The following CHFR variants were observed in gnomAD, a reference collection of about 807,000 sequenced individuals.
CHFR encodes the protein checkpoint with forkhead and ring finger domains, also known as E3 ubiquitin-protein ligase CHFR.
A neutral mutation model predicts 87.6 loss-of-function variants in CHFR; 57 were observed. That is an observed-to-expected ratio of 0.65 (90% CI 0.53 to 0.81). The LOEUF (loss-of-function observed/expected upper bound fraction) is 0.81. Ranked by LOEUF, CHFR falls within the 30% of genes least tolerant of loss-of-function variation. The probability of loss-of-function intolerance (pLI) is 0.00; values close to 1 mark genes in which losing one functional copy is unlikely to be tolerated. For missense variants in CHFR, 797 were observed against 865.8 expected, an observed-to-expected ratio of 0.92 and a Z score of 1.00; for synonymous variants, 381 against 359.2, an observed-to-expected ratio of 1.06 and a Z score of -0.69.
At chr12:132,853,616 C>A in intron 10 of CHFR, 43 bp from the exon 11 acceptor site, 1 of 1,489,412 alleles carries the variant, frequency 6.7e-7, no homozygotes, top group East Asian at 2.7e-5. Context: ...GGCCCCAAGC[C>A]TCTCAGGTAG....
intron 2 of CHFR, among the ~76,000 whole-genome samples, chr12:132,878,299 T>A (rs571908866): frequency 9.2e-5 from 14 of 151,976 alleles, no homozygotes; most frequent in Non-Finnish European, 2.1e-4. Flanking sequence ...TGAAACCCCA[T>A]ATCTACTAAA....
At chr12:132,845,713 C>T (rs1251216699) in intron 15 of CHFR, among the ~76,000 whole-genome samples, 1 of 152,026 alleles carries the variant, frequency 6.6e-6, no homozygotes, top group Non-Finnish European at 1.5e-5. Flanking sequence ...CATCGTGTGC[C>T]CCCCTGGAGA....
At chr12:132,845,686 T>C (rs1404628759) in intron 15 of CHFR, among the ~76,000 whole-genome samples, 2 of 151,888 alleles carry the variant, frequency 1.3e-5, no homozygotes, top group African/African-American at 4.8e-5. Flanking sequence ...AGTGATAAAT[T>C]ATCATACTCC....
chr12:132,833,656 C>T lies in CHFR; in HGVS notation c.*7898G>A, dbSNP rs1242152402. The T allele has an allele frequency of 6.6e-6, 1 of 152,134 alleles. No individual in the cohort carries two copies. The highest frequency in any genetic ancestry group is 1.5e-5 in the Non-Finnish European group (1 of 68,066). 9.4% of individuals were successfully genotyped at this position (152,134 alleles called of 1,614,324 possible). On this transcript the variant is annotated 3_prime_UTR_variant, in exon 18 of 18. Coordinates refer to ENST00000450056, the MANE Select transcript of CHFR (RefSeq NM_001161346.2). ...CAACATGGTGAAACCCTGCTCTCTACTAAAAATTAGCTGGGTGTGGTGGTG... is the reference window on the plus strand; with the variant it reads ...CAACATGGTGAAACCCTGCTCTCTATTAAAAATTAGCTGGGTGTGGTGGTG...
In CHFR at chr12:132,861,695, T is replaced by C. The variant is rs899713797; in HGVS notation, c.584-61A>G. ...ATCCAGCTCAGGAGAGAACCATGCC[T>C]GTAAGGTGTCACTGACTGGAGCCCA... On this transcript the variant is annotated intron_variant, in intron 6 of 17. Transcript: ENST00000450056. The C allele has an allele frequency of 4.6e-6, 7 of 1,509,342 alleles. No homozygotes were observed. The African/African-American group carries it at 6.9e-5, about 15-fold the overall frequency. 93.5% of individuals were successfully genotyped at this position (1,509,342 alleles called of 1,614,324 possible). A position where few individuals can be genotyped will look rare whatever the true frequency, so the allele number is the denominator to read the frequency against.
At position 132,872,201 on chromosome 12, in the gene CHFR, A is replaced by G. The variant is rs567475609; in HGVS notation, c.343+84T>C. On this transcript the variant is annotated intron_variant, in intron 4 of 17. Transcript: ENST00000450056. ...AGGAGGAACGTTCCTATGGGAAGGG[A>G]TGTAGCCAGGAGGAACGTTCAGAGA... 6.6e-4 allele frequency: 536 copies of G among 816,206 alleles called. No individual in the cohort carries two copies. The African/African-American group carries it at 8.1e-3, about 12-fold the overall frequency. The allele number at this position is 816,206 out of a possible 1,614,324, so 50.6% of individuals were successfully genotyped here. A position where few individuals can be genotyped will look rare whatever the true frequency, so the allele number is the denominator to read the frequency against.
intron 17 of CHFR, among the ~76,000 whole-genome samples, chr12:132,842,251 C>T (rs1950718949): frequency 6.6e-6 from 1 of 152,216 alleles, no homozygotes; most frequent in African/African-American, 2.4e-5. Context: ...GGCCTGTGGC[C>T]ACCTTCCCTC....
At chr12:132,874,086 C>T (rs1951559388) in intron 3 of CHFR, among the ~76,000 whole-genome samples, 1 of 152,236 alleles carries the variant, frequency 6.6e-6, no homozygotes, top group Non-Finnish European at 1.5e-5. Flanking sequence ...ACAAATTCTC[C>T]CCTGGAGCCT....
At chr12:132,855,313 T>C (rs1024405192) in intron 10 of CHFR, among the ~76,000 whole-genome samples, 2 of 151,874 alleles carry the variant, frequency 1.3e-5, no homozygotes, top group Non-Finnish European at 2.9e-5. Context: ...TCCCAGCTAT[T>C]TGGGAGGCTG....
intron 10 of CHFR, chr12:132,853,844 G>C (rs927411837): frequency 1.1e-5 from 5 of 468,676 alleles, no homozygotes; most frequent in Non-Finnish European, 1.1e-5. Flanking sequence ...CCCCACTGAC[G>C]TGTGCTCCCA....
Position 132,887,542 on chromosome 12 carries a change from C to T in CHFR, c.-13+5G>A, listed in dbSNP as rs1017629614. ...CGCCGCAGCCCCCTCGCCAGCCGCG[C>T]TTACCCCCGCCCCGCGCCGAACCCG... On this transcript the variant is annotated splice_donor_5th_base_variant and intron_variant, in intron 1 of 17. Coordinates refer to ENST00000450056, the MANE Select transcript of CHFR (RefSeq NM_001161346.2). 2.1e-4 allele frequency: 35 copies of T among 170,492 alleles called. No homozygotes were observed. Among genetic ancestry groups the T allele is most frequent in the East Asian group, 3.8e-4 (2 of 5,230 alleles). The allele number at this position is 170,492 out of a possible 1,614,324, so 10.6% of individuals were successfully genotyped here. A position where few individuals can be genotyped will look rare whatever the true frequency, so the allele number is the denominator to read the frequency against.
chr12:132,878,225 C>CT (rs1951675210), intron 2 of CHFR, among the ~76,000 whole-genome samples: 1 of 152,216 alleles, frequency 6.6e-6, no homozygotes, highest in Admixed American at 6.5e-5. Context: ...AAACCCAGCA[C>CT]TTTGAGAAGC....
chr12:132,846,236 A>G (rs970462776), intron 15 of CHFR, among the ~76,000 whole-genome samples: 10 of 150,166 alleles, frequency 6.7e-5, no homozygotes, highest in Non-Finnish European at 1.2e-4. Context: ...CTGCTGGAAT[A>G]TGTCATACAG....
chr12:132,878,544 T>C (rs1326645338), intron 2 of CHFR, among the ~76,000 whole-genome samples: 1 of 151,096 alleles, frequency 6.6e-6, no homozygotes, highest in African/African-American at 2.4e-5. Context: ...ATTAGAACTT[T>C]AAAAAAACTC....
At position 132,837,505 on chromosome 12, in the gene CHFR, G is replaced by C. The variant is rs1950656612; in HGVS notation, c.*4049C>G. Reference sequence around the variant, plus strand: ...CAGGCCACAGAAGCACACACCCTCGGGCCTGCAGGTAACAGGCAGGTGCGG... The same window carrying C: ...CAGGCCACAGAAGCACACACCCTCGCGCCTGCAGGTAACAGGCAGGTGCGG... On this transcript the variant is annotated 3_prime_UTR_variant, in exon 18 of 18. Coordinates refer to ENST00000450056, the MANE Select transcript of CHFR (RefSeq NM_001161346.2). 6.5e-6 allele frequency: 1 copy of C among 153,250 alleles called. No individual in the cohort carries two copies. Among genetic ancestry groups the C allele is most frequent in the Non-Finnish European group, 1.5e-5 (1 of 68,832 alleles). 9.5% of individuals were successfully genotyped at this position (153,250 alleles called of 1,614,324 possible). A position where few individuals can be genotyped will look rare whatever the true frequency, so the allele number is the denominator to read the frequency against.
At chr12:132,865,640 TG>T (rs1173781744) in intron 6 of CHFR, among the ~76,000 whole-genome samples, 2 of 144,954 alleles carry the variant, frequency 1.4e-5, no homozygotes, top group East Asian at 4.1e-4. Flanking sequence ...CCCAAAGTGC[TG>T]GGATTACAGG....
chr12:132,847,496 G>A, intron 14 of CHFR: 1 of 1,097,670 alleles, frequency 9.1e-7, no homozygotes, highest in African/African-American at 1.6e-5. Context: ...TCTGTTCTCT[G>A]TGCCCTTCAA....
Position 132,847,203 on chromosome 12 carries a change from C to T in CHFR, c.1648-73G>A, listed in dbSNP as rs1950850470. ...GAAACACTGAAATAACGAGAGAAAA[C>T]ATTTCATAAAAGGCCCCTGAAAGTG... On this transcript the variant is annotated intron_variant, in intron 14 of 17. Coordinates refer to ENST00000450056, the MANE Select transcript of CHFR (RefSeq NM_001161346.2). The T allele has an allele frequency of 5.0e-6, 8 of 1,590,022 alleles. No homozygotes were observed. In the African/African-American group the frequency reaches 9.4e-5, roughly 19 times the overall value.
At position 132,844,141 on chromosome 12, in the gene CHFR, GA is replaced by G; in HGVS notation, c.1736-8del. 6.3e-7 allele frequency: 1 copy of G among 1,592,234 alleles called. No individual in the cohort carries two copies. The highest frequency in any genetic ancestry group is 8.6e-7 in the Non-Finnish European group (1 of 1,163,198). ...TCTCCCGTGACTCTGTAATCTGGAAGAAACACAGCCAGTTACCCAGCAACAC... is the reference window on the plus strand; with the variant it reads ...TCTCCCGTGACTCTGTAATCTGGAAGAACACAGCCAGTTACCCAGCAACAC... On this transcript the variant is annotated splice_region_variant and splice_polypyrimidine_tract_variant and intron_variant, in intron 15 of 17. Transcript: ENST00000450056.
Sources: allele counts gnomAD v4.1 joint callset (sites outside exome capture counted in the v4.1 genomes callset), GRCh38; gene constraint gnomAD v4.1.1; transcripts MANE v1.5; gene names NCBI Gene and HGNC (gene_info 2026-07-23, HGNC 2026-07-21).